Variants in SF3A1 observed in about 807,000 individuals in gnomAD.
The protein encoded by SF3A1 is SAP 114.
Under a neutral mutation model 89.9 loss-of-function variants are expected in SF3A1, and 13 were observed. The observed-to-expected ratio is 0.14, with a 90% CI of 0.09 to 0.23. The LOEUF (loss-of-function observed/expected upper bound fraction) is 0.23. Ranked by LOEUF, SF3A1 falls within the 10% of genes least tolerant of loss-of-function variation. The pLI is 1.00. For synonymous variants in SF3A1, 405 were observed against 374.4 expected (o/e 1.08, Z -0.94); for missense variants, 604 against 1,022.1 (o/e 0.59, Z 5.58).
rs1931121862 is a variant in SF3A1, at chr22:30,337,862, T to C, written c.1779A>G (p.Ala593=). Residue 593 remains alanine (A), a synonymous_variant, in exon 12 of 16, where the codon GCA becomes GCG. Transcript: ENST00000215793. ...PPPVRTTVVS[A]VPVMPRPPMA... is the part of the protein sequence containing the mutation. ...TTGGGGGCCGGGGCATGACGGGTAC[T>C]GCGGAGACAACTGTAGTACGAACTG... 6.2e-7 allele frequency: 1 copy of C among 1,608,706 alleles called. No homozygotes were observed. Among genetic ancestry groups the C allele is most frequent in the Non-Finnish European group, 8.5e-7 (1 of 1,178,510 alleles).
rs1187959549 is a variant in SF3A1 at position 30,356,797 on chromosome 22, G to A, written c.-5C>T. 11 of 1,398,264 alleles carry A rather than the reference G, an allele frequency of 7.9e-6. No individual in the cohort carries two copies. Among genetic ancestry groups the A allele is most frequent in the Non-Finnish European group, 1.0e-5 (11 of 1,066,738 alleles). The allele number at this position is 1,398,264 out of a possible 1,614,324, so 86.6% of individuals were successfully genotyped here. ...CTGCACGGGTCCGGCCGGCATGACT[G>A]CGACGCTCAGGGCTGCCAGTCCGCC... is the stretch of plus-strand genomic sequence containing the variant. On this transcript the variant is annotated 5_prime_UTR_variant, in exon 1 of 16. Coordinates refer to ENST00000215793, the MANE Select transcript of SF3A1 (RefSeq NM_005877.6).
At chr22:30,334,785 G>C (rs1054043857) in intron 15 of SF3A1, 90 bp from the exon 16 acceptor site, 2 of 868,872 alleles carry the variant, frequency 2.3e-6, no homozygotes, top group Non-Finnish European at 3.6e-6. Flanking sequence ...GTCTGTTTGC[G>C]CTCTGGACTT....
Position 30,355,027 on chromosome 22 carries a change from A to G in SF3A1, c.63+1703T>C, listed in dbSNP as rs117439029. Among the ~76,000 whole-genome samples, 22 of 152,272 alleles carry G rather than the reference A, an allele frequency of 1.4e-4. No individual in the cohort carries two copies. In the East Asian group the frequency reaches 4.0e-3, roughly 28 times the overall value. On this transcript the variant is annotated intron_variant, in intron 1 of 15. Coordinates refer to ENST00000215793, the MANE Select transcript of SF3A1 (RefSeq NM_005877.6). ...CCTTTAGAAGAAGCCTATAAGATTA[A>G]GTACTCTTTTTTTTTTTGAGACAGT...
intron 1 of SF3A1, among the ~76,000 whole-genome samples, chr22:30,356,078 G>A (rs1342311760): frequency 6.6e-6 from 1 of 152,094 alleles, no homozygotes; most frequent in African/African-American, 2.4e-5. Flanking sequence ...TACTACAATG[G>A]TTTGTGCACA....
At chr22:30,342,596 T>C (rs1317989869) in intron 5 of SF3A1, 13 of 624,330 alleles carry the variant, frequency 2.1e-5, no homozygotes, top group Non-Finnish European at 3.1e-5. Flanking sequence ...AAGAGGGAGA[T>C]ATATTGAGGC....
rs1254900176 is a variant in SF3A1, at chr22:30,352,939, T to G, written c.185+12A>C. 1.9e-6 allele frequency: 3 copies of G among 1,613,890 alleles called. No individual in the cohort carries two copies. Among genetic ancestry groups the G allele is most frequent in the East Asian group, 4.5e-5 (2 of 44,882 alleles). ...GAAACCCACCTCTGACCCACCCAAGTAGCTCTGTTACCTGGCCACAAAGCT... is the reference window on the plus strand; with the variant it reads ...GAAACCCACCTCTGACCCACCCAAGGAGCTCTGTTACCTGGCCACAAAGCT... On this transcript the variant is annotated intron_variant, in intron 2 of 15. Coordinates refer to ENST00000215793, the MANE Select transcript of SF3A1 (RefSeq NM_005877.6).
chr22:30,341,925 G>T (rs1360113875), intron 6 of SF3A1, 40 bp from the exon 7 acceptor site: 1 of 1,584,856 alleles, frequency 6.3e-7, no homozygotes, highest in East Asian at 2.2e-5. Context: ...CCTTATCAAA[G>T]ACCCACCTAT....
In SF3A1 at chr22:30,337,761, T is replaced by G. The variant is rs1360514073; in HGVS notation, c.1880A>C (p.Asn627Thr). The change falls in exon 12 of 16, where the codon AAC (asparagine) becomes ACC (threonine). Residue 627 changes from asparagine to threonine, a missense_variant. By Grantham distance (65) the Asn-to-Thr change is moderately conservative. Transcript: ENST00000215793. ...GGCCGAGGGAGGCATGGGCACCACG[T>G]TGATTCTGGGCGCGTGGATGATGGG... ...MPPIIHAPRI[N>T]VVPMPPSAPP... 1.3e-6 allele frequency: 2 copies of G among 1,585,554 alleles called. No homozygotes were observed. Among genetic ancestry groups the G allele is most frequent in the African/African-American group, 2.7e-5 (2 of 74,712 alleles).
chr22:30,340,429 T>G (rs761119942), intron 8 of SF3A1, 48 bp from the exon 9 acceptor site: 1 of 1,574,018 alleles, frequency 6.4e-7, no homozygotes, highest in Non-Finnish European at 8.7e-7. Context: ...GGCAGCCACC[T>G]GAGTTAAGAG....
At chr22:30,339,070 C>G in intron 10 of SF3A1, 36 bp from the exon 11 acceptor site, 2 of 1,613,896 alleles carry the variant, frequency 1.2e-6, no homozygotes, top group Non-Finnish European at 1.7e-6. Context: ...GCTTCTGGAA[C>G]TAAGACCAAG....
chr22:30,340,493 T>A (rs780207168), intron 8 of SF3A1, 112 bp from the exon 9 acceptor site: 7 of 1,126,934 alleles, frequency 6.2e-6, no homozygotes. Flanking sequence ...GTGCCACTCT[T>A]GTACCTGGCA....
At chr22:30,348,564 A>G (rs932773670) in intron 2 of SF3A1, among the ~76,000 whole-genome samples, 13 of 152,130 alleles carry the variant, frequency 8.5e-5, no homozygotes, top group African/African-American at 3.1e-4. Context: ...CAACCACCAC[A>G]GCAATTATGT....
chr22:30,337,565 G>A, intron 12 of SF3A1, 125 bp downstream of exon 12: 1 of 713,692 alleles, frequency 1.4e-6, no homozygotes, highest in Admixed American at 2.0e-5. Context: ...GGAAGCCAGG[G>A]CTCTCCTCTG....
Position 30,340,301 on chromosome 22 carries a change from T to G in SF3A1, c.1270A>C (p.Lys424Gln). Reference sequence around the variant, plus strand: ...CCAATGCGCATGTGTTCCTGCATTTTGCTGGCGGGGATCTTCTCCCCAGTA... The same window carrying G: ...CCAATGCGCATGTGTTCCTGCATTTGGCTGGCGGGGATCTTCTCCCCAGTA... The part of the protein sequence containing the change: ...PITGEKIPAS[K>Q]MQEHMRIGLL... Residue 424 changes from lysine (K) to glutamine (Q), a missense_variant, in exon 9 of 16, where the codon AAA (lysine) becomes CAA (glutamine). This residue lies in a region of SF3A1 where 146 missense variants were observed against 228.5 expected (regional missense o/e 0.64). Coordinates refer to ENST00000215793, the MANE Select transcript of SF3A1 (RefSeq NM_005877.6). The G allele has an allele frequency of 6.2e-7, 1 of 1,613,416 alleles. No individual in the cohort carries two copies. The highest frequency in any genetic ancestry group is 8.5e-7 in the Non-Finnish European group (1 of 1,179,816).
chr22:30,350,472 A>T (rs185185839), intron 2 of SF3A1, among the ~76,000 whole-genome samples: 1 of 152,024 alleles, frequency 6.6e-6, no homozygotes, highest in Admixed American at 6.6e-5. Context: ...TCAGAACGAG[A>T]CTCTGTCTCT....
rs969096908 is a variant in SF3A1, at chr22:30,332,783, G to C, written c.*1811C>G. The C allele has an allele frequency of 6.6e-6, 1 of 152,176 alleles. No individual in the cohort carries two copies. The highest frequency in any genetic ancestry group is 2.4e-5 in the African/African-American group (1 of 41,442). The allele number at this position is 152,176 out of a possible 1,614,324, so 9.4% of individuals were successfully genotyped here. A position where few individuals can be genotyped will look rare whatever the true frequency, so the allele number is the denominator to read the frequency against. ...AACTGGATTTGCTCTCTAGAGGGCAGCTCAAAGGGCCCATTCACTCACAAT... is the reference window on the plus strand; with the variant it reads ...AACTGGATTTGCTCTCTAGAGGGCACCTCAAAGGGCCCATTCACTCACAAT... On this transcript the variant is annotated 3_prime_UTR_variant, in exon 16 of 16. Transcript: ENST00000215793.
rs1486859446 is a variant in SF3A1 at position 30,344,919 on chromosome 22, T to C, written c.651+14A>G. On this transcript the variant is annotated intron_variant, in intron 4 of 15. Transcript: ENST00000215793. ...TCCTGGGCCCAGGACCCCAGCCCCA[T>C]CCTGCCCAGGCACCTTGGTGTACTG... is the stretch of plus-strand genomic sequence containing the variant. 2.5e-6 allele frequency: 4 copies of C among 1,611,042 alleles called. No individual in the cohort carries two copies. Among genetic ancestry groups the C allele is most frequent in the Non-Finnish European group, 3.4e-6 (4 of 1,177,384 alleles).
intron 2 of SF3A1, among the ~76,000 whole-genome samples, chr22:30,349,721 C>T (rs1382889445): frequency 2.0e-5 from 3 of 147,708 alleles, no homozygotes; most frequent in South Asian, 2.1e-4. Flanking sequence ...GGCTGGAGTA[C>T]GCTGGCATGA....
chr22:30,337,619 T>C, intron 12 of SF3A1, 71 bp downstream of exon 12: 1 of 792,718 alleles, frequency 1.3e-6, no homozygotes, highest in Non-Finnish European at 2.2e-6. Context: ...CATCAGCCAC[T>C]GCTCTGCTGA....
Sources: allele counts gnomAD v4.1 joint callset (sites outside exome capture counted in the v4.1 genomes callset), GRCh38; gene constraint gnomAD v4.1.1; regional missense constraint gnomAD v4.1.1; transcripts MANE v1.5; gene names NCBI Gene and HGNC (gene_info 2026-07-23, HGNC 2026-07-21).